RIMOC1: variants seen among roughly 807,000 people sequenced by gnomAD.
The protein encoded by RIMOC1 is RAB7A interacting MON1-CCZ1 complex subunit 1.
the RIMOC1 span, chr5:41,917,167 G>C: frequency 1.2e-6 from 2 of 1,613,778 alleles, no homozygotes; most frequent in Non-Finnish European, 1.7e-6. Flanking sequence ...AGGAACCCTT[G>C]GATTTCCGAG....
the RIMOC1 span, chr5:41,920,121 C>G: frequency 6.6e-6 from 1 of 152,046 alleles, no homozygotes; most frequent in Non-Finnish European, 1.5e-5. Context: ...GAAAAGAGAA[C>G]TTTCTCTTAA....
the RIMOC1 span, chr5:41,918,773 T>C: frequency 1.0e-6 from 1 of 984,040 alleles, no homozygotes; most frequent in African/African-American, 1.7e-5. Context: ...CATATGGCTC[T>C]TTCTCCTATT....
At chr5:41,909,910 G>A in the RIMOC1 span, 10 of 1,548,094 alleles carry the variant, frequency 6.5e-6, no homozygotes, top group East Asian at 1.1e-4. Context: ...TTACATTCCT[G>A]TTAATTATGA....
chr5:41,916,057 G>T, the RIMOC1 span, among the ~76,000 whole-genome samples: 1 of 152,344 alleles, frequency 6.6e-6, no homozygotes, highest in South Asian at 2.1e-4. Context: ...CAGACATTGT[G>T]ATGCTCATTT....
At chr5:41,908,583 AG>A in the RIMOC1 span, among the ~76,000 whole-genome samples, 1 of 152,142 alleles carries the variant, frequency 6.6e-6, no homozygotes, top group South Asian at 2.1e-4. Flanking sequence ...TTCTAAAGAT[AG>A]CTTCTGCCTT....
the RIMOC1 span, among the ~76,000 whole-genome samples, chr5:41,915,944 G>T: frequency 6.6e-5 from 10 of 152,150 alleles, no homozygotes; most frequent in Admixed American, 2.0e-4. Flanking sequence ...ACTTTAAAAA[G>T]CTTGCAATAG....
At chr5:41,910,843 T>C in the RIMOC1 span, among the ~76,000 whole-genome samples, 1 of 152,164 alleles carries the variant, frequency 6.6e-6, no homozygotes, top group Non-Finnish European at 1.5e-5. Flanking sequence ...TACTAGTAAA[T>C]TGAAGTTATT....
chr5:41,919,048 A>T, the RIMOC1 span: 5 of 151,704 alleles, frequency 3.3e-5, no homozygotes, highest in African/African-American at 1.2e-4. Context: ...TGTCATTCAT[A>T]ACTATGGCTT....
At chr5:41,914,624 G>T in the RIMOC1 span, among the ~76,000 whole-genome samples, 3 of 151,270 alleles carry the variant, frequency 2.0e-5, no homozygotes, top group African/African-American at 7.3e-5. Flanking sequence ...AAAAAAATTA[G>T]CCAGGCGTGG....
At chr5:41,904,815 A>G in the RIMOC1 span, among the ~76,000 whole-genome samples, 8 of 152,222 alleles carry the variant, frequency 5.3e-5, no homozygotes, top group African/African-American at 1.9e-4. Context: ...TAACACTCAA[A>G]TTAGTTATGG....
At chr5:41,917,961 A>G in the RIMOC1 span, 4 of 971,152 alleles carry the variant, frequency 4.1e-6, no homozygotes, top group Admixed American at 2.5e-4. Context: ...TTTTCAAGTG[A>G]GTAATGAAGA....
chr5:41,905,916 A>C, the RIMOC1 span, among the ~76,000 whole-genome samples: 1 of 152,348 alleles, frequency 6.6e-6, no homozygotes, highest in Admixed American at 6.5e-5. Context: ...AGTGGTCCAC[A>C]TTATGAGCCG....
chr5:41,915,071 ATAT>A, the RIMOC1 span, among the ~76,000 whole-genome samples: 6 of 152,328 alleles, frequency 3.9e-5, no homozygotes, highest in Non-Finnish European at 8.8e-5. Context: ...TAAGATAATC[ATAT>A]TGTTGTTTAG....
the RIMOC1 span, among the ~76,000 whole-genome samples, chr5:41,915,073 ATTG>A: frequency 6.6e-6 from 1 of 152,166 alleles, no homozygotes; most frequent in Non-Finnish European, 1.5e-5. Context: ...AGATAATCAT[ATTG>A]TTGTTTAGAC....
chr5:41,908,671 C>G, the RIMOC1 span, among the ~76,000 whole-genome samples: 1 of 152,078 alleles, frequency 6.6e-6, no homozygotes, highest in South Asian at 2.1e-4. Context: ...AGGTATTTTG[C>G]TTGGTTTTCT....
the RIMOC1 span, chr5:41,917,098 G>A: frequency 6.2e-7 from 1 of 1,613,652 alleles, no homozygotes; most frequent in African/African-American, 1.3e-5. Flanking sequence ...GTGCTGATCA[G>A]CAACCAGAAA....
chr5:41,919,766 G>A, the RIMOC1 span: 1 of 152,082 alleles, frequency 6.6e-6, no homozygotes. Flanking sequence ...TGTTTTCATA[G>A]GCTTTTTAAA....
the RIMOC1 span, chr5:41,918,704 T>C: frequency 5.1e-6 from 5 of 985,464 alleles, no homozygotes; most frequent in Non-Finnish European, 6.0e-6. Flanking sequence ...CTCTCCCATT[T>C]CCCGCTGTGG....
At chr5:41,914,251 G>C in the RIMOC1 span, among the ~76,000 whole-genome samples, 1 of 152,104 alleles carries the variant, frequency 6.6e-6, no homozygotes, top group Non-Finnish European at 1.5e-5. Context: ...AATTAAAAGG[G>C]TCAGATAGGG....
Sources: gnomAD v4.1 joint callset for allele counts (sites outside exome capture counted in the v4.1 genomes callset) on GRCh38, gnomAD v4.1.1 for gene constraint, MANE v1.5 for transcripts, NCBI Gene and HGNC (gene_info 2026-07-23, HGNC 2026-07-21) for gene names.